Variants in BNC2 observed in about 807,000 individuals in gnomAD.
The protein encoded by BNC2 is zinc finger protein basonuclin-2.
A neutral mutation model predicts 76.3 loss-of-function variants in BNC2; 20 were observed. The ratio of observed to expected loss-of-function variants is 0.26; its 90% confidence interval spans 0.18 to 0.38. The LOEUF (loss-of-function observed/expected upper bound fraction) is 0.38, where lower values mean the gene tolerates loss of function less well. Ranked by LOEUF, BNC2 falls within the 10% of genes least tolerant of loss-of-function variation. The pLI is 1.00. For missense variants in BNC2, 1,382 were observed against 1,399.8 expected (o/e 0.99, Z 0.20); for synonymous variants, 582 against 514.8 (o/e 1.13, Z -1.77).
intron 2 of BNC2, among the ~76,000 whole-genome samples, chr9:16,736,798 A>C (rs958351856): frequency 6.2e-5 from 9 of 144,162 alleles, no homozygotes; most frequent in Non-Finnish European, 1.2e-4. Flanking sequence ...TCTTTCTGAG[A>C]TGGATAATGG....
chr9:16,760,012 C>T (rs1167946765), intron 1 of BNC2, among the ~76,000 whole-genome samples: 2 of 152,188 alleles, frequency 1.3e-5, no homozygotes, highest in African/African-American at 4.8e-5. Context: ...CGTGAGCCAC[C>T]GCGCGGGGCC....
At chr9:16,476,346 T>C (rs942347934) in intron 5 of BNC2, 1 of 151,628 alleles carries the variant, frequency 6.6e-6, no homozygotes, top group Non-Finnish European at 1.5e-5. Context: ...CGCCCTGGAG[T>C]TTCTCCTGTA....
intron 1 of BNC2, among the ~76,000 whole-genome samples, chr9:16,751,698 A>G (rs151188124): frequency 0.48 from 67,099 of 139,758 alleles, 21,175 homozygotes; most frequent in Non-Finnish European, 0.7. Context: ...GTGTGTATAT[A>G]TATATATATG....
chr9:16,453,615 T>C (rs1821387185), intron 5 of BNC2, among the ~76,000 whole-genome samples: 1 of 152,156 alleles, frequency 6.6e-6, no homozygotes, highest in East Asian at 1.9e-4. Flanking sequence ...GTGCTTTTTC[T>C]AAAGTGCACC....
intron 3 of BNC2, among the ~76,000 whole-genome samples, chr9:16,692,708 C>CA (rs1464611844): frequency 2.6e-5 from 4 of 152,150 alleles, no homozygotes; most frequent in Admixed American, 2.0e-4. Flanking sequence ...TAAAAAGAGA[C>CA]AGAGTCACTT....
chr9:16,417,251 T>G lies in BNC2; in HGVS notation c.*1738A>C, dbSNP rs1385496149. 6.6e-6 allele frequency: 1 copy of G among 152,606 alleles called. No homozygotes were observed. Among genetic ancestry groups the G allele is most frequent in the Non-Finnish European group, 1.5e-5 (1 of 68,042 alleles). The allele number at this position is 152,606 out of a possible 1,614,324, so 9.5% of individuals were successfully genotyped here. On this transcript the variant is annotated 3_prime_UTR_variant, in exon 7 of 7. Coordinates refer to ENST00000380672, the MANE Select transcript of BNC2 (RefSeq NM_017637.6). The stretch of plus-strand genomic sequence containing the variant: ...AAATATCATCATTTAGTCAGTATGT[T>G]GTGGTAGCTGAGGCTGCCGATGTGG...
intron 5 of BNC2, among the ~76,000 whole-genome samples, chr9:16,468,558 GCTA>G (rs1021952562): frequency 1.4e-4 from 22 of 152,056 alleles, no homozygotes; most frequent in African/African-American, 4.6e-4. Context: ...ACCACGCCTG[GCTA>G]CTTTTTGTAT....
intron 3 of BNC2, among the ~76,000 whole-genome samples, chr9:16,617,984 A>G (rs1354623775): frequency 6.6e-6 from 1 of 152,230 alleles, no homozygotes; most frequent in African/African-American, 2.4e-5. Context: ...TTTCCCAGCA[A>G]TGGCAGTAAA....
intron 1 of BNC2, among the ~76,000 whole-genome samples, chr9:16,770,545 A>G (rs1418898779): frequency 2.0e-5 from 3 of 152,164 alleles, no homozygotes; most frequent in Non-Finnish European, 4.4e-5. Context: ...GAGTTTACCC[A>G]CAATGACCAT....
chr9:16,738,208 A>C (rs1824735134), intron 2 of BNC2, 152 bp downstream of exon 2: 2 of 842,980 alleles, frequency 2.4e-6, no homozygotes, highest in Non-Finnish European at 3.8e-6. Flanking sequence ...TTAGGAAGCA[A>C]ATAAATACCT....
Position 16,586,217 on chromosome 9 carries a change from A to C in BNC2, c.331-3132T>G, listed in dbSNP as rs184430065. Among the ~76,000 whole-genome samples the C allele has an allele frequency of 1.1e-3, 167 of 152,246 alleles. 1 individual carries two copies. In the Middle Eastern group the frequency reaches 0.017, roughly 16 times the overall value. Reference sequence around the variant, plus strand: ...TCTCAGACATGAGCTGAATGGAGGCAGCAGTGAAGATGATCAGCATATCCC... The same window carrying C: ...TCTCAGACATGAGCTGAATGGAGGCCGCAGTGAAGATGATCAGCATATCCC... On this transcript the variant is annotated intron_variant, in intron 3 of 6. Transcript: ENST00000380672.
chr9:16,429,702 T>A, intron 6 of BNC2: 6 of 305,992 alleles, frequency 2.0e-5, no homozygotes, highest in South Asian at 1.8e-4. Flanking sequence ...AGAGACTTAA[T>A]GTTAACTCTC....
At chr9:16,631,331 G>C (rs961927637) in intron 3 of BNC2, among the ~76,000 whole-genome samples, 2 of 151,968 alleles carry the variant, frequency 1.3e-5, no homozygotes, top group Non-Finnish European at 2.9e-5. Flanking sequence ...CATAAAATAA[G>C]AACCCATACC....
At chr9:16,500,072 C>T (rs914262232) in intron 5 of BNC2, among the ~76,000 whole-genome samples, 1 of 151,960 alleles carries the variant, frequency 6.6e-6, no homozygotes, top group African/African-American at 2.4e-5. Flanking sequence ...ACTCCCAACT[C>T]CTCCTCAATT....
chr9:16,570,369 A>C (rs542095696), intron 4 of BNC2, among the ~76,000 whole-genome samples: 1 of 152,336 alleles, frequency 6.6e-6, no homozygotes, highest in African/African-American at 2.4e-5. Flanking sequence ...ATTCAGGCTG[A>C]AATCTCACTC....
intron 3 of BNC2, among the ~76,000 whole-genome samples, chr9:16,697,116 T>C (rs1156901180): frequency 1.3e-5 from 2 of 151,864 alleles, no homozygotes; most frequent in African/African-American, 4.8e-5. Flanking sequence ...ATCCCAGCAC[T>C]TTGGGAGGCT....
Position 16,844,718 on chromosome 9 carries a change from C to T in BNC2, c.3+25928G>A, listed in dbSNP as rs1391520693. On this transcript the variant is annotated intron_variant, in intron 1 of 6. Coordinates refer to ENST00000380672, the MANE Select transcript of BNC2 (RefSeq NM_017637.6). Reference sequence around the variant, plus strand: ...TTCACCATGTTGGCCAGGCTGGTCTCGGACTCCTTACCTCAGGTGATCCAC... The same window carrying T: ...TTCACCATGTTGGCCAGGCTGGTCTTGGACTCCTTACCTCAGGTGATCCAC... Among the ~76,000 whole-genome samples, 10 of 152,046 alleles carry T rather than the reference C, an allele frequency of 6.6e-5. No individual in the cohort carries two copies. In the South Asian group the frequency reaches 8.3e-4, roughly 13 times the overall value.
chr9:16,503,694 C>G (rs576138333), intron 5 of BNC2, among the ~76,000 whole-genome samples: 3 of 152,292 alleles, frequency 2.0e-5, no homozygotes, highest in Admixed American at 6.5e-5. Context: ...TTTACTATCA[C>G]TGATATCCAC....
At chr9:16,440,171 G>A (rs1249927413) in intron 5 of BNC2, among the ~76,000 whole-genome samples, 1 of 152,172 alleles carries the variant, frequency 6.6e-6, no homozygotes, top group Admixed American at 6.5e-5. Context: ...AATCAGGGGA[G>A]AAGAAAGCTA....
Sources: allele counts gnomAD v4.1 joint callset (sites outside exome capture counted in the v4.1 genomes callset), GRCh38; gene constraint gnomAD v4.1.1; transcripts MANE v1.5; gene names NCBI Gene and HGNC (gene_info 2026-07-23, HGNC 2026-07-21).